SNTG1: variants seen among roughly 807,000 people sequenced by gnomAD.
The protein encoded by SNTG1 is syntrophin gamma 1, also known as gamma-1-syntrophin.
A neutral mutation model predicts 74.7 loss-of-function variants in SNTG1; 39 were observed. That is an observed-to-expected ratio of 0.52 (90% CI 0.40 to 0.68). The LOEUF (loss-of-function observed/expected upper bound fraction) is 0.68, where lower values mean the gene tolerates loss of function less well. Ranked by LOEUF, SNTG1 falls within the 30% of genes least tolerant of loss-of-function variation. The pLI is 0.00. For missense variants in SNTG1, 685 were observed against 609.5 expected (o/e 1.12, Z -1.30); for synonymous variants, 254 against 217.1 (o/e 1.17, Z -1.49).
At chr8:50,331,168 C>T (rs766570778) in intron 2 of SNTG1, among the ~76,000 whole-genome samples, 17 of 152,096 alleles carry the variant, frequency 1.1e-4, no homozygotes, top group Admixed American at 6.5e-4. Flanking sequence ...GGGAAATCAT[C>T]GGCTAGTAGA....
At chr8:50,430,740 T>C (rs1467956514) in intron 4 of SNTG1, among the ~76,000 whole-genome samples, 1 of 152,134 alleles carries the variant, frequency 6.6e-6, no homozygotes, top group East Asian at 1.9e-4. Flanking sequence ...AGGAAGGGTG[T>C]ATATGCTCCA....
At chr8:50,285,929 T>C (rs1586960059) in intron 2 of SNTG1, among the ~76,000 whole-genome samples, 1 of 152,178 alleles carries the variant, frequency 6.6e-6, no homozygotes, top group Non-Finnish European at 1.5e-5. Flanking sequence ...TAAATTTGTT[T>C]CATCAATAAC....
intron 12 of SNTG1, among the ~76,000 whole-genome samples, chr8:50,584,544 G>A (rs567299212): frequency 2.4e-5 from 3 of 125,520 alleles, no homozygotes; most frequent in Admixed American, 9.6e-5. Context: ...ACGGTGTTTC[G>A]CACTGTCTCC....
chr8:50,016,560 TG>T (rs1816334962), intron 1 of SNTG1, among the ~76,000 whole-genome samples: 1 of 152,154 alleles, frequency 6.6e-6, no homozygotes, highest in African/African-American at 2.4e-5. Flanking sequence ...CAAAGCTTCT[TG>T]AACCACCACT....
At chr8:50,202,576 GT>G (rs1019509729) in intron 2 of SNTG1, among the ~76,000 whole-genome samples, 2 of 152,030 alleles carry the variant, frequency 1.3e-5, no homozygotes, top group Non-Finnish European at 2.9e-5. Flanking sequence ...ATGACCCACA[GT>G]TTTTTTATCC....
intron 8 of SNTG1, among the ~76,000 whole-genome samples, chr8:50,500,743 T>C (rs928050534): frequency 1.3e-5 from 2 of 152,176 alleles, no homozygotes; most frequent in African/African-American, 4.8e-5. Context: ...TTTAGAGCTG[T>C]TTGGTGCTGC....
At chr8:50,375,517 G>A (rs1359367304) in intron 2 of SNTG1, among the ~76,000 whole-genome samples, 2 of 152,110 alleles carry the variant, frequency 1.3e-5, no homozygotes, top group Non-Finnish European at 2.9e-5. Context: ...TGTGAATGAG[G>A]TGAGAGTAGA....
chr8:50,217,260 C>T (rs1220900232), intron 2 of SNTG1, among the ~76,000 whole-genome samples: 1 of 151,876 alleles, frequency 6.6e-6, no homozygotes, highest in Non-Finnish European at 1.5e-5. Context: ...GATGTAAAAT[C>T]TCATGTAGGA....
intron 2 of SNTG1, among the ~76,000 whole-genome samples, chr8:50,294,905 C>A (rs1412376145): frequency 6.6e-6 from 1 of 152,026 alleles, no homozygotes; most frequent in African/African-American, 2.4e-5. Flanking sequence ...ACTGTCCTGC[C>A]AATGGCTCAC....
At chr8:49,941,585 C>A (rs1034741912) in intron 1 of SNTG1, among the ~76,000 whole-genome samples, 1 of 150,422 alleles carries the variant, frequency 6.6e-6, no homozygotes, top group Non-Finnish European at 1.5e-5. Context: ...GTCATGGAGG[C>A]CTTTGCACCT....
chr8:50,421,171 G>A (rs1020715519), intron 4 of SNTG1, among the ~76,000 whole-genome samples: 1 of 151,090 alleles, frequency 6.6e-6, no homozygotes, highest in Admixed American at 6.6e-5. Context: ...CCCAAGAGAG[G>A]GCTCTTAGAT....
At chr8:50,205,861 A>G (rs559111930) in intron 2 of SNTG1, among the ~76,000 whole-genome samples, 1 of 152,264 alleles carries the variant, frequency 6.6e-6, no homozygotes, top group African/African-American at 2.4e-5. Flanking sequence ...CAGGTTTGTC[A>G]AAGATCAGAG....
intron 1 of SNTG1, among the ~76,000 whole-genome samples, chr8:50,011,100 T>A (rs1267585830): frequency 6.6e-6 from 1 of 152,152 alleles, no homozygotes. Flanking sequence ...CACATGGCCC[T>A]GCTTTGAAAT....
At chr8:50,447,113 G>T (rs1256986846) in intron 5 of SNTG1, among the ~76,000 whole-genome samples, 1 of 152,152 alleles carries the variant, frequency 6.6e-6, no homozygotes, top group Non-Finnish European at 1.5e-5. Flanking sequence ...ATAAGCAGGG[G>T]ATTGCTGTAC....
chr8:50,631,088 G>C (rs2094994220), intron 13 of SNTG1, among the ~76,000 whole-genome samples: 2 of 152,310 alleles, frequency 1.3e-5, no homozygotes, highest in South Asian at 4.1e-4. Flanking sequence ...TAGGAGAAGT[G>C]TTGTTATCTT....
intron 1 of SNTG1, among the ~76,000 whole-genome samples, chr8:49,957,003 T>A (rs1415503505): frequency 6.6e-6 from 1 of 151,876 alleles, no homozygotes; most frequent in Non-Finnish European, 1.5e-5. Flanking sequence ...GATAGGAGGG[T>A]GAGGGAAATG....
chr8:50,560,035 A>C (rs2094478071), intron 12 of SNTG1, among the ~76,000 whole-genome samples: 1 of 152,150 alleles, frequency 6.6e-6, no homozygotes, highest in Non-Finnish European at 1.5e-5. Context: ...CAAGAACAAA[A>C]ATACGTTAAA....
chr8:50,599,661 C>G (rs2094758334), intron 13 of SNTG1, among the ~76,000 whole-genome samples: 1 of 152,044 alleles, frequency 6.6e-6, no homozygotes. Flanking sequence ...AGAAATCCCA[C>G]TGATTTTTGT....
chr8:50,250,721 T>A (rs533779886), intron 2 of SNTG1, among the ~76,000 whole-genome samples: 2 of 152,034 alleles, frequency 1.3e-5, no homozygotes, highest in South Asian at 4.2e-4. Context: ...AAATAAAAAA[T>A]TTCTCACAGC....
Sources: allele counts gnomAD v4.1 joint callset (sites outside exome capture counted in the v4.1 genomes callset), GRCh38; gene constraint gnomAD v4.1.1; transcripts MANE v1.5; gene names NCBI Gene and HGNC (gene_info 2026-07-23, HGNC 2026-07-21).